ARHGAP42: variants seen among roughly 807,000 people sequenced by gnomAD.
ARHGAP42 encodes Rho GTPase activating protein 42.
ARHGAP42 carries 63 observed loss-of-function variants against 125.0 expected under a neutral mutation model. The ratio of observed to expected loss-of-function variants is 0.50; its 90% CI spans 0.41 to 0.62. The LOEUF is 0.62. ARHGAP42 is among the 20% of genes least tolerant of loss of function. ARHGAP42 has a pLI of 0.00. For missense variants in ARHGAP42, 766 were observed against 1,024.2 expected (o/e 0.75, Z 3.44); for synonymous variants, 339 against 351.0 (o/e 0.97, Z 0.38).
intron 2 of ARHGAP42, among the ~76,000 whole-genome samples, chr11:100,791,831 A>G (rs1386618418): frequency 3.3e-5 from 5 of 152,224 alleles, no homozygotes; most frequent in African/African-American, 1.2e-4. Context: ...CATTGCCATT[A>G]TAATCAACTA....
chr11:100,715,300 C>T (rs980723639), intron 1 of ARHGAP42, among the ~76,000 whole-genome samples: 1 of 151,968 alleles, frequency 6.6e-6, no homozygotes, highest in Non-Finnish European at 1.5e-5. Flanking sequence ...TCCAGAACAG[C>T]CCAGACTTTG....
rs1866982861 is a variant in ARHGAP42, at chr11:100,913,562, T to C, written c.486+9T>C. On this transcript the variant is annotated intron_variant, in intron 5 of 23. Coordinates refer to ENST00000298815, the MANE Select transcript of ARHGAP42 (RefSeq NM_152432.4). ...AGTCTCATTTACAAGAGGTAAGCTT[T>C]TCCAACTGAAATAATGGAAAAGGCA... 1 of 1,264,986 alleles carries C rather than the reference T, an allele frequency of 7.9e-7. No individual in the cohort carries two copies. The highest frequency in any genetic ancestry group is 1.0e-6 in the Non-Finnish European group (1 of 967,150). 78.4% of individuals were successfully genotyped at this position (1,264,986 alleles called of 1,614,324 possible). A position where few individuals can be genotyped will look rare whatever the true frequency, so the allele number is the denominator to read the frequency against.
At chr11:100,780,363 T>C (rs1863279282) in intron 2 of ARHGAP42, among the ~76,000 whole-genome samples, 1 of 152,240 alleles carries the variant, frequency 6.6e-6, no homozygotes, top group South Asian at 2.1e-4. Flanking sequence ...CTATGACCTA[T>C]GCTAATTTGG....
chr11:100,773,375 A>C (rs1863027941), intron 2 of ARHGAP42, among the ~76,000 whole-genome samples: 1 of 152,182 alleles, frequency 6.6e-6, no homozygotes, highest in South Asian at 2.1e-4. Context: ...GGATTATAGC[A>C]AATACTCCTG....
intron 8 of ARHGAP42, 127 bp downstream of exon 8, chr11:100,936,459 C>T (rs1360163460): frequency 1.6e-6 from 2 of 1,277,048 alleles, no homozygotes; most frequent in Non-Finnish European, 2.1e-6. Context: ...TCTACTTTCC[C>T]CCCACCACAA....
intron 1 of ARHGAP42, among the ~76,000 whole-genome samples, chr11:100,693,280 G>A (rs970615763): frequency 1.2e-4 from 19 of 152,004 alleles, no homozygotes; most frequent in Admixed American, 7.9e-4. Context: ...GTGTGGAGGT[G>A]TAATTACTTC....
At chr11:100,869,468 G>T (rs1361192178) in intron 4 of ARHGAP42, among the ~76,000 whole-genome samples, 3 of 150,888 alleles carry the variant, frequency 2.0e-5, no homozygotes, top group Non-Finnish European at 1.5e-5. Flanking sequence ...TCCTTGTGAG[G>T]TATCAGCCCT....
chr11:100,978,114 A>G (rs115236851), intron 21 of ARHGAP42, among the ~76,000 whole-genome samples: 53 of 152,268 alleles, frequency 3.5e-4, no homozygotes, highest in African/African-American at 1.1e-3. Flanking sequence ...TGTTAAGCCA[A>G]TGTATTAGGG....
intron 7 of ARHGAP42, 67 bp from the exon 8 acceptor site, chr11:100,936,136 T>C (rs1591306883): frequency 1.3e-6 from 2 of 1,524,272 alleles, no homozygotes; most frequent in East Asian, 4.9e-5. Context: ...AAACAAAATA[T>C]TAGTCTGGAT....
At chr11:100,840,714 G>C (rs1864925334) in intron 3 of ARHGAP42, 2 of 152,082 alleles carry the variant, frequency 1.3e-5, no homozygotes, top group African/African-American at 4.8e-5. Flanking sequence ...TATTTTTATG[G>C]TATAATTCAT....
intron 1 of ARHGAP42, among the ~76,000 whole-genome samples, chr11:100,726,203 T>C (rs939522721): frequency 6.6e-6 from 1 of 152,078 alleles, no homozygotes; most frequent in African/African-American, 2.4e-5. Context: ...AAAGAAGAGA[T>C]GTAACGAGCA....
chr11:100,859,232 T>A, intron 3 of ARHGAP42: 1 of 211,884 alleles, frequency 4.7e-6, no homozygotes, highest in Non-Finnish European at 9.3e-6. Flanking sequence ...AGTGTAATTA[T>A]AGGTATTTGT....
intron 1 of ARHGAP42, among the ~76,000 whole-genome samples, chr11:100,734,469 T>TG (rs1319370816): frequency 5.9e-5 from 9 of 151,842 alleles, no homozygotes; most frequent in Non-Finnish European, 1.3e-4. Flanking sequence ...TTAGTAGAGA[T>TG]GGGGTTTCTC....
intron 3 of ARHGAP42, among the ~76,000 whole-genome samples, chr11:100,857,348 A>G (rs1236642034): frequency 2.0e-5 from 3 of 152,118 alleles, no homozygotes; most frequent in Non-Finnish European, 4.4e-5. Context: ...GTTTTGTTAT[A>G]TCATCTGGCT....
chr11:100,727,252 A>T (rs1861878218), intron 1 of ARHGAP42, among the ~76,000 whole-genome samples: 1 of 152,250 alleles, frequency 6.6e-6, no homozygotes, highest in Non-Finnish European at 1.5e-5. Flanking sequence ...TGAAATTTGC[A>T]TATGTGATAT....
At chr11:100,769,414 A>C (rs150407357) in intron 1 of ARHGAP42, among the ~76,000 whole-genome samples, 85 of 152,140 alleles carry the variant, frequency 5.6e-4, no homozygotes, top group African/African-American at 1.9e-3. Flanking sequence ...TTTACTTCTT[A>C]TTATTCTGGG....
chr11:100,973,167 A>T lies in ARHGAP42; in HGVS notation c.1551-8A>T. ...ACTTAAGATATTTTTGTTGCTTTTT[A>T]TTTGCAGAGTATCACTACACAGCCA... On this transcript the variant is annotated splice_region_variant and splice_polypyrimidine_tract_variant and intron_variant, in intron 17 of 23. Transcript: ENST00000298815. The T allele has an allele frequency of 6.7e-7, 1 of 1,499,526 alleles. No individual in the cohort carries two copies. Among genetic ancestry groups the T allele is most frequent in the Non-Finnish European group, 8.9e-7 (1 of 1,122,180 alleles). The allele number at this position is 1,499,526 out of a possible 1,614,324, so 92.9% of individuals were successfully genotyped here.
At position 100,728,384 on chromosome 11, in the gene ARHGAP42, T is replaced by C. The variant is rs577859520; in HGVS notation, c.154+40552T>C. ...GTTCTTTCCAGTTTAGCCAGGGGCTTACTGACTAGAAAGTCTTCCCCTGAG... is the reference window on the plus strand; with the variant it reads ...GTTCTTTCCAGTTTAGCCAGGGGCTCACTGACTAGAAAGTCTTCCCCTGAG... On this transcript the variant is annotated intron_variant, in intron 1 of 23. Coordinates refer to ENST00000298815, the MANE Select transcript of ARHGAP42 (RefSeq NM_152432.4). Among the ~76,000 whole-genome samples the C allele has an allele frequency of 5.3e-5, 8 of 152,196 alleles. No homozygotes were observed. In the South Asian group the frequency reaches 1.7e-3, roughly 32 times the overall value.
chr11:100,698,631 A>G (rs991401575), intron 1 of ARHGAP42, among the ~76,000 whole-genome samples: 1 of 152,216 alleles, frequency 6.6e-6, no homozygotes, highest in Non-Finnish European at 1.5e-5. Flanking sequence ...CGGTGAGCCC[A>G]GATCGTGCCA....
Sources: gnomAD v4.1 joint callset for allele counts (sites outside exome capture counted in the v4.1 genomes callset) on GRCh38, gnomAD v4.1.1 for gene constraint, MANE v1.5 for transcripts, NCBI Gene and HGNC (gene_info 2026-07-23, HGNC 2026-07-21) for gene names.